Variants in TRIP4 observed in about 807,000 individuals in gnomAD.
The protein encoded by TRIP4 is activating signal cointegrator 1.
In TRIP4, 54 loss-of-function variants were observed where a neutral mutation model predicts 81.8. The observed-to-expected ratio is 0.66, with a 90% CI of 0.53 to 0.83. The LOEUF (loss-of-function observed/expected upper bound fraction) is 0.83. Among genes scored for constraint, TRIP4 ranks in the 40% least tolerant of loss-of-function variants. The pLI is 0.00. For synonymous variants in TRIP4, 270 were observed against 242.8 expected (o/e 1.11, Z -1.04); for missense variants, 662 against 683.6 (o/e 0.97, Z 0.35).
chr15:64,450,527 C>T (rs1892734979), intron 12 of TRIP4: 4 of 354,046 alleles, frequency 1.1e-5, no homozygotes, highest in African/African-American at 6.3e-5. Context: ...CAAGAAGCCC[C>T]GGTCCCTTAC....
chr15:64,425,970 C>G (rs958001749), intron 11 of TRIP4, among the ~76,000 whole-genome samples: 1 of 152,130 alleles, frequency 6.6e-6, no homozygotes, highest in African/African-American at 2.4e-5. Context: ...GTAGTCCCAG[C>G]TGCTCCAAAG....
At chr15:64,402,606 C>G (rs1891536397) in intron 5 of TRIP4, among the ~76,000 whole-genome samples, 1 of 151,566 alleles carries the variant, frequency 6.6e-6, no homozygotes, top group African/African-American at 2.4e-5. Context: ...TCACTGCAAC[C>G]TCCGCCACTT....
At chr15:64,450,411 A>AAAAAAAAAAAAG (rs1892731314) in intron 12 of TRIP4, among the ~76,000 whole-genome samples, 1 of 150,042 alleles carries the variant, frequency 6.7e-6, no homozygotes, top group East Asian at 2.0e-4. Context: ...AAAAAAAAAA[A>AAAAAAAAAAAAG]AAAGAAAGAA....
chr15:64,390,965 A>G (rs938062766), intron 1 of TRIP4, among the ~76,000 whole-genome samples: 1 of 152,106 alleles, frequency 6.6e-6, no homozygotes, highest in African/African-American at 2.4e-5. Flanking sequence ...ACGCTAAGAT[A>G]CTATTTGAAG....
intron 11 of TRIP4, among the ~76,000 whole-genome samples, chr15:64,436,136 A>G (rs1192455054): frequency 6.6e-6 from 1 of 151,940 alleles, no homozygotes; most frequent in Non-Finnish European, 1.5e-5. Context: ...CTCTACTAAA[A>G]ATACAAAAAT....
intron 1 of TRIP4, chr15:64,393,524 A>T (rs557844048): frequency 6.6e-6 from 1 of 152,314 alleles, no homozygotes; most frequent in South Asian, 2.1e-4. Context: ...TGTTCACTGT[A>T]GAAAACTAAA....
intron 12 of TRIP4, among the ~76,000 whole-genome samples, chr15:64,449,270 TG>T (rs1892699929): frequency 6.6e-6 from 1 of 151,660 alleles, no homozygotes; most frequent in African/African-American, 2.4e-5. Flanking sequence ...CTTAAATGTT[TG>T]TTTTTTTTGT....
At chr15:64,416,455 GCT>G (rs1491161963) in intron 8 of TRIP4, among the ~76,000 whole-genome samples, 1 of 152,066 alleles carries the variant, frequency 6.6e-6, no homozygotes. Context: ...AGGTGTGGTG[GCT>G]CACGTCTGTA....
chr15:64,447,912 A>G (rs868818086), intron 12 of TRIP4, among the ~76,000 whole-genome samples: 4 of 152,090 alleles, frequency 2.6e-5, no homozygotes, highest in South Asian at 2.1e-4. Context: ...AGGTCTCACT[A>G]TGTTGCCCAG....
At chr15:64,440,357 G>A (rs905101398) in intron 11 of TRIP4, among the ~76,000 whole-genome samples, 8 of 151,778 alleles carry the variant, frequency 5.3e-5, no homozygotes, top group African/African-American at 1.9e-4. Context: ...TTTCAGACCA[G>A]ATATCCCTTA....
At position 64,402,518 on chromosome 15, in the gene TRIP4, C is replaced by G. The variant is rs1982745; in HGVS notation, c.697+1697C>G. 4.0e-4 allele frequency among the ~76,000 whole-genome samples: 56 copies of G among 139,970 alleles called. No homozygotes were observed. The East Asian group carries it at 0.012, about 29-fold the overall frequency. 91.8% of individuals were successfully genotyped at this position (139,970 alleles called of 152,430 possible). ...TTAAGGTGTGAGCCACCGCGCCCGG[C>G]CAACATTTTTTTTTTTTTTTCTGAG... On this transcript the variant is annotated intron_variant, in intron 5 of 12. Transcript: ENST00000261884.
Position 64,424,285 on chromosome 15 carries a change from GTTTGT to G in TRIP4, c.1483+133_1483+137del, listed in dbSNP as rs1361762489. ...AGACTTTTAATCTTTGTATATGTTT[GTTTGT>G]TTAGTGGTAAATCATTGACAGCGTT... is the stretch of plus-strand genomic sequence containing the variant. On this transcript the variant is annotated intron_variant, in intron 10 of 12. Coordinates refer to ENST00000261884, the MANE Select transcript of TRIP4 (RefSeq NM_016213.5). 87 of 1,288,896 alleles carry G rather than the reference GTTTGT, an allele frequency of 6.7e-5. 1 individual carries two copies. Among genetic ancestry groups the G allele is most frequent in the Non-Finnish European group, 9.1e-5 (86 of 942,604 alleles). 79.8% of individuals were successfully genotyped at this position (1,288,896 alleles called of 1,614,324 possible). A position where few individuals can be genotyped will look rare whatever the true frequency, so the allele number is the denominator to read the frequency against.
intron 12 of TRIP4, among the ~76,000 whole-genome samples, chr15:64,445,758 G>A (rs1892620445): frequency 6.7e-6 from 1 of 150,176 alleles, no homozygotes; most frequent in Non-Finnish European, 1.5e-5. Flanking sequence ...ATAACTTTAT[G>A]TTAGGTTAAC....
At chr15:64,403,694 T>C (rs1042547832) in intron 5 of TRIP4, among the ~76,000 whole-genome samples, 4 of 152,208 alleles carry the variant, frequency 2.6e-5, no homozygotes, top group African/African-American at 4.8e-5. Flanking sequence ...AAAAATAGTC[T>C]TTTAACTTGG....
intron 11 of TRIP4, among the ~76,000 whole-genome samples, chr15:64,426,767 A>G (rs527525462): frequency 3.3e-5 from 5 of 151,780 alleles, no homozygotes; most frequent in African/African-American, 1.2e-4. Context: ...TTGGGAGGCC[A>G]AGGCGGGCAG....
chr15:64,433,991 C>A (rs1341608941), intron 11 of TRIP4, among the ~76,000 whole-genome samples: 6 of 151,876 alleles, frequency 4.0e-5, no homozygotes, highest in Admixed American at 3.9e-4. Flanking sequence ...TCCAGCGTGG[C>A]CCAGAGAAGC....
intron 1 of TRIP4, among the ~76,000 whole-genome samples, chr15:64,390,825 G>A (rs1053901102): frequency 6.6e-6 from 1 of 151,780 alleles, no homozygotes. Flanking sequence ...AACCCAGGAG[G>A]CAGAGGTTGC....
Position 64,420,123 on chromosome 15 carries a change from C to CT in TRIP4, c.1358+1410dup, listed in dbSNP as rs756319494. Reference sequence around the variant, plus strand: ...GCCACTGTGCCTGGCTTCTTTCTTTCTTTTTTTTTTTTTTTGAGACGAAGT... The same window carrying CT: ...GCCACTGTGCCTGGCTTCTTTCTTTCTTTTTTTTTTTTTTTTGAGACGAAGT... On this transcript the variant is annotated intron_variant, in intron 9 of 12. Coordinates refer to ENST00000261884, the MANE Select transcript of TRIP4 (RefSeq NM_016213.5). Among the ~76,000 whole-genome samples, 406 of 135,920 alleles carry CT rather than the reference C, an allele frequency of 3.0e-3. 2 individuals are homozygous for CT. Among genetic ancestry groups the CT allele is most frequent in the African/African-American group, 4.2e-3 (156 of 37,212 alleles). The allele number at this position is 135,920 out of a possible 152,430, so 89.2% of individuals were successfully genotyped here. A position where few individuals can be genotyped will look rare whatever the true frequency, so the allele number is the denominator to read the frequency against.
chr15:64,397,093 A>AGGATCTCGCTCT (rs1383192154), intron 3 of TRIP4, among the ~76,000 whole-genome samples: 8 of 152,148 alleles, frequency 5.3e-5, no homozygotes, highest in African/African-American at 1.9e-4. Context: ...TGTTTGAGAT[A>AGGATCTCGCTCT]GGATCTCGCT....
Sources: allele counts gnomAD v4.1 joint callset (sites outside exome capture counted in the v4.1 genomes callset), GRCh38; gene constraint gnomAD v4.1.1; transcripts MANE v1.5; gene names NCBI Gene and HGNC (gene_info 2026-07-23, HGNC 2026-07-21).